The following ARHGEF28 variants were observed in gnomAD, a reference collection of about 807,000 sequenced individuals.
The protein encoded by ARHGEF28 is 190 kDa guanine nucleotide exchange factor.
A neutral mutation model predicts 206.6 loss-of-function variants in ARHGEF28; 152 were observed. The observed-to-expected ratio is 0.74, with a 90% CI of 0.64 to 0.84. The LOEUF is 0.84. Among genes scored for constraint, ARHGEF28 ranks in the 40% least tolerant of loss-of-function variants. ARHGEF28 has a pLI of 0.00. For missense variants in ARHGEF28, 2,028 were observed against 2,073.2 expected, an observed-to-expected ratio of 0.98 and a Z score of 0.42; for synonymous variants, 763 against 776.4, an observed-to-expected ratio of 0.98 and a Z score of 0.29.
At chr5:73,653,645 A>T (rs756405561) in intron 1 of ARHGEF28, among the ~76,000 whole-genome samples, 8 of 152,204 alleles carry the variant, frequency 5.3e-5, no homozygotes, top group Non-Finnish European at 1.2e-4. Context: ...TCTGTGCTCC[A>T]TGCATGTGCT....
chr5:73,666,198 T>C (rs1356087144), intron 1 of ARHGEF28, among the ~76,000 whole-genome samples: 1 of 152,194 alleles, frequency 6.6e-6, no homozygotes, highest in Non-Finnish European at 1.5e-5. Context: ...AAATAACATT[T>C]AGTCTTAAAG....
intron 1 of ARHGEF28, among the ~76,000 whole-genome samples, chr5:73,667,816 C>T (rs1440405167): frequency 6.6e-6 from 1 of 152,156 alleles, no homozygotes; most frequent in Non-Finnish European, 1.5e-5. Context: ...TATTATGCTG[C>T]TTAGATATTT....
chr5:73,678,820 G>A (rs76860137), intron 1 of ARHGEF28, among the ~76,000 whole-genome samples: 3,995 of 152,138 alleles, frequency 0.026, 181 homozygotes, highest in African/African-American at 0.089. Context: ...GGGGGAGTTA[G>A]CATGTACCCT....
At chr5:73,829,123 T>G (rs1757130004) in intron 9 of ARHGEF28, among the ~76,000 whole-genome samples, 1 of 152,226 alleles carries the variant, frequency 6.6e-6, no homozygotes. Flanking sequence ...GTACCTGGCA[T>G]AGGCCACTTT....
chr5:73,928,905 C>T (rs764167114), intron 35 of ARHGEF28, among the ~76,000 whole-genome samples: 18 of 152,024 alleles, frequency 1.2e-4, no homozygotes, highest in Non-Finnish European at 7.4e-5. Context: ...TAATTCAGCG[C>T]GCTCAGAAAA....
chr5:73,901,137 T>G, intron 30 of ARHGEF28, 47 bp from the exon 31 acceptor site: 2 of 1,526,834 alleles, frequency 1.3e-6, no homozygotes, highest in Non-Finnish European at 1.8e-6. Context: ...GGCTGGCCGA[T>G]GTTTGACGCT....
intron 7 of ARHGEF28, among the ~76,000 whole-genome samples, chr5:73,791,558 T>C (rs1471901951): frequency 8.4e-6 from 1 of 118,610 alleles, no homozygotes; most frequent in Non-Finnish European, 1.9e-5. Flanking sequence ...GAGCATCCTG[T>C]GTTTTTGGTT....
intron 1 of ARHGEF28, among the ~76,000 whole-genome samples, chr5:73,666,221 C>G (rs183301080): frequency 1.0e-3 from 154 of 152,326 alleles, no homozygotes; most frequent in African/African-American, 3.5e-3. Context: ...AGAGGATAAT[C>G]TCCTTTGATT....
At chr5:73,855,449 C>T (rs1393522171) in intron 14 of ARHGEF28, among the ~76,000 whole-genome samples, 4 of 152,052 alleles carry the variant, frequency 2.6e-5, no homozygotes, top group Admixed American at 6.5e-5. Flanking sequence ...GTTGAAGTAT[C>T]GGCTGGGCGT....
intron 1 of ARHGEF28, among the ~76,000 whole-genome samples, chr5:73,643,315 T>C (rs1249143908): frequency 6.6e-6 from 1 of 152,226 alleles, no homozygotes; most frequent in Non-Finnish European, 1.5e-5. Flanking sequence ...CATTTTATAC[T>C]TCAAATAATT....
intron 1 of ARHGEF28, among the ~76,000 whole-genome samples, chr5:73,671,906 C>G (rs1388257998): frequency 2.0e-5 from 3 of 151,188 alleles, no homozygotes; most frequent in African/African-American, 7.3e-5. Flanking sequence ...CAGGCGTCTG[C>G]CACCACACCT....
At chr5:73,822,634 A>T (rs1474150992) in intron 9 of ARHGEF28, among the ~76,000 whole-genome samples, 2 of 152,022 alleles carry the variant, frequency 1.3e-5, no homozygotes, top group Non-Finnish European at 1.5e-5. Flanking sequence ...TGTCCTGCCC[A>T]CCCCATTTTT....
intron 2 of ARHGEF28, among the ~76,000 whole-genome samples, chr5:73,730,816 T>G (rs1750578345): frequency 6.6e-6 from 1 of 152,216 alleles, no homozygotes. Context: ...AAAAATTTAT[T>G]CTCTAGTTTA....
intron 2 of ARHGEF28, among the ~76,000 whole-genome samples, chr5:73,735,627 C>T (rs1326844911): frequency 6.6e-6 from 1 of 152,192 alleles, no homozygotes; most frequent in Non-Finnish European, 1.5e-5. Context: ...TCGATAGCAG[C>T]CTTCCTGGCA....
chr5:73,866,210 T>A (rs899274033), intron 18 of ARHGEF28, among the ~76,000 whole-genome samples, 197 bp downstream of exon 18: 7 of 152,236 alleles, frequency 4.6e-5, no homozygotes, highest in Admixed American at 4.6e-4. Context: ...AGAACTTTTG[T>A]GTTGTGTGTA....
At chr5:73,894,659 T>C in intron 29 of ARHGEF28, 84 bp downstream of exon 29, 1 of 1,469,224 alleles carries the variant, frequency 6.8e-7, no homozygotes, top group Non-Finnish European at 9.2e-7. Context: ...ACTGTGGTCT[T>C]GGTGCTGAGG....
At chr5:73,853,443 GAAACGTTTT>G (rs1758824235) in intron 14 of ARHGEF28, among the ~76,000 whole-genome samples, 1 of 152,206 alleles carries the variant, frequency 6.6e-6, no homozygotes, top group Non-Finnish European at 1.5e-5. Flanking sequence ...CTAAAACTTT[GAAACGTTTT>G]AAACGTTTTA....
intron 35 of ARHGEF28, among the ~76,000 whole-genome samples, chr5:73,918,559 G>A (rs1304060668): frequency 1.3e-5 from 2 of 152,202 alleles, no homozygotes; most frequent in African/African-American, 2.4e-5. Flanking sequence ...TACTGTCTCT[G>A]TAAAGAGACA....
At chr5:73,909,978 A>G (rs1268283873) in intron 34 of ARHGEF28, 81 bp downstream of exon 34, 4 of 1,416,206 alleles carry the variant, frequency 2.8e-6, no homozygotes, top group African/African-American at 1.5e-5. Flanking sequence ...CTAACCAAAC[A>G]TCTGTCATTT....
Sources: gnomAD v4.1 joint callset for allele counts (sites outside exome capture counted in the v4.1 genomes callset) on GRCh38, gnomAD v4.1.1 for gene constraint, MANE v1.5 for transcripts, NCBI Gene and HGNC (gene_info 2026-07-23, HGNC 2026-07-21) for gene names.